The following OPCML variants were observed in gnomAD, a reference collection of about 807,000 sequenced individuals.
The protein encoded by OPCML is opioid-binding protein/cell adhesion molecule.
Under a neutral mutation model 37.8 loss-of-function variants are expected in OPCML, and 13 were observed. The observed-to-expected ratio is 0.34, with a 90% CI of 0.22 to 0.55. The LOEUF is 0.55. Among genes scored for constraint, OPCML ranks in the 20% least tolerant of loss-of-function variants. OPCML has a pLI of 0.91. For missense variants in OPCML, 341 were observed against 435.6 expected (o/e 0.78, Z 1.93); for synonymous variants, 176 against 168.8 (o/e 1.04, Z -0.33).
chr11:132,563,517 A>G (rs2096415268), intron 3 of OPCML, among the ~76,000 whole-genome samples: 1 of 151,922 alleles, frequency 6.6e-6, no homozygotes, highest in Admixed American at 6.6e-5. Context: ...ATGTTTTGCA[A>G]CTAGATAGAG....
chr11:133,365,506 C>G (rs1197055424), intron 1 of OPCML: 2 of 152,204 alleles, frequency 1.3e-5, no homozygotes, highest in Non-Finnish European at 2.9e-5. Context: ...CTGTCATGAT[C>G]TAATCACCTC....
At position 132,658,596 on chromosome 11, in the gene OPCML, G is replaced by C. The variant is rs967190659; in HGVS notation, c.147-1277C>G. On this transcript the variant is annotated intron_variant, in intron 2 of 7. Coordinates refer to ENST00000524381, the MANE Select transcript of OPCML (RefSeq NM_001012393.5). The stretch of plus-strand genomic sequence containing the variant: ...AGAATAAAAGCAATACCAGCTTCCG[G>C]TCACCCAGGCCTTTTTATGAGCTGG... Among the ~76,000 whole-genome samples the C allele has an allele frequency of 2.0e-5, 3 of 152,218 alleles. No homozygotes were observed. The East Asian group carries it at 5.8e-4, about 29-fold the overall frequency.
chr11:132,796,401 T>C (rs1420646434), intron 2 of OPCML, among the ~76,000 whole-genome samples: 2 of 151,986 alleles, frequency 1.3e-5, no homozygotes, highest in African/African-American at 2.4e-5. Flanking sequence ...CTTGAAAATA[T>C]ACCTGGACAC....
intron 4 of OPCML, among the ~76,000 whole-genome samples, chr11:132,445,995 G>T (rs2136810194): frequency 6.6e-6 from 1 of 150,946 alleles, no homozygotes; most frequent in Middle Eastern, 3.4e-3. Context: ...AGCCAGGTCA[G>T]TCTCCAGCAG....
rs188803451 is a variant in OPCML, at chr11:133,072,974, G to T, written c.62-129964C>A. Among the ~76,000 whole-genome samples the T allele has an allele frequency of 1.4e-3, 213 of 152,330 alleles. 1 individual carries two copies. The highest frequency in any genetic ancestry group is 8.1e-4 in the Non-Finnish European group (55 of 68,028). ...CTCTGGGTGACTGGTGTGAGAGAAAGGGACGGTGAAACCTGGAAGGAGGAA... is the reference window on the plus strand; with the variant it reads ...CTCTGGGTGACTGGTGTGAGAGAAATGGACGGTGAAACCTGGAAGGAGGAA... On this transcript the variant is annotated intron_variant, in intron 1 of 7. Coordinates refer to ENST00000524381, the MANE Select transcript of OPCML (RefSeq NM_001012393.5).
chr11:132,929,595 A>AAACAAC, intron 2 of OPCML, among the ~76,000 whole-genome samples: 1 of 152,236 alleles, frequency 6.6e-6, no homozygotes, highest in Admixed American at 6.5e-5. Context: ...GACATTACCA[A>AAACAAC]AACAACAACA....
intron 1 of OPCML, among the ~76,000 whole-genome samples, chr11:133,103,952 C>G (rs964676922): frequency 2.0e-5 from 3 of 152,164 alleles, no homozygotes; most frequent in Admixed American, 2.0e-4. Flanking sequence ...TGTTAATGAG[C>G]CTTTCACAGT....
chr11:133,106,682 T>A (rs1949163217), intron 1 of OPCML, among the ~76,000 whole-genome samples: 1 of 152,222 alleles, frequency 6.6e-6, no homozygotes, highest in Admixed American at 6.5e-5. Context: ...ACAAATGACA[T>A]ATCCAGGACC....
chr11:132,697,891 T>C (rs1337913504), intron 2 of OPCML, among the ~76,000 whole-genome samples: 1 of 151,996 alleles, frequency 6.6e-6, no homozygotes, highest in African/African-American at 2.4e-5. Flanking sequence ...TTAGCCTCCT[T>C]GAATAGCAGG....
In OPCML at chr11:133,177,274, A is replaced by C. The variant is rs1937618170; in HGVS notation, c.62-234264T>G. Among the ~76,000 whole-genome samples the C allele has an allele frequency of 6.6e-6, 1 of 152,236 alleles. No homozygotes were observed. Among genetic ancestry groups the C allele is most frequent in the African/African-American group, 2.4e-5 (1 of 41,466 alleles). ...AGATGCAGACCTATCAGAGATCTGA[A>C]AGAAGTGGGAAATAAAGCTGGATGA... On this transcript the variant is annotated intron_variant, in intron 1 of 7. Coordinates refer to ENST00000524381, the MANE Select transcript of OPCML (RefSeq NM_001012393.5). The surrounding 1 kb of genome is among the most constrained non-coding windows in gnomAD (Gnocchi z 5.0).
At chr11:132,732,621 C>G (rs749735246) in intron 2 of OPCML, among the ~76,000 whole-genome samples, 3 of 152,062 alleles carry the variant, frequency 2.0e-5, no homozygotes, top group Non-Finnish European at 2.9e-5. Flanking sequence ...AAAGCTGGCA[C>G]CCTACAACCC....
At chr11:133,508,657 G>A (rs60360619) in intron 1 of OPCML, among the ~76,000 whole-genome samples, 1 of 152,224 alleles carries the variant, frequency 6.6e-6, no homozygotes, top group African/African-American at 2.4e-5. Flanking sequence ...ACTTGGAGGA[G>A]TGGGAAGAAT....
chr11:132,886,600 T>C (rs78549208), intron 2 of OPCML, among the ~76,000 whole-genome samples: 4,490 of 152,298 alleles, frequency 0.029, 205 homozygotes, highest in African/African-American at 0.1. Flanking sequence ...TGCCTGGCCT[T>C]TTCTGACCCA....
intron 1 of OPCML, among the ~76,000 whole-genome samples, chr11:133,303,617 C>T (rs1474929308): frequency 6.6e-6 from 1 of 152,174 alleles, no homozygotes; most frequent in Non-Finnish European, 1.5e-5. Context: ...TCGAATGAGA[C>T]TTGCATAAAA....
chr11:132,638,811 C>G (rs905969096), intron 3 of OPCML, among the ~76,000 whole-genome samples: 1 of 152,158 alleles, frequency 6.6e-6, no homozygotes, highest in Non-Finnish European at 1.5e-5. Context: ...TCCTGCCCAC[C>G]AAACTATCCT....
intron 1 of OPCML, among the ~76,000 whole-genome samples, chr11:132,970,445 C>T (rs1027240327): frequency 6.6e-6 from 1 of 152,116 alleles, no homozygotes; most frequent in Non-Finnish European, 1.5e-5. Context: ...CCTATTATAA[C>T]AGTTTTTGAG....
At chr11:133,468,090 A>C (rs1032140888) in intron 1 of OPCML, among the ~76,000 whole-genome samples, 7 of 152,216 alleles carry the variant, frequency 4.6e-5, no homozygotes, top group Non-Finnish European at 8.8e-5. Context: ...GGCTGGCTGC[A>C]AATTTTAGTG....
In OPCML at chr11:133,236,000, C is replaced by T. The variant is rs148638817; in HGVS notation, c.62-292990G>A. On this transcript the variant is annotated intron_variant, in intron 1 of 7. Coordinates refer to ENST00000524381, the MANE Select transcript of OPCML (RefSeq NM_001012393.5). ...CTTAAAACTGAGAATGGTAGTAAAA[C>T]GTTATATATACTATGTTTTCTCCTA... 2.1e-3 allele frequency among the ~76,000 whole-genome samples: 319 copies of T among 152,224 alleles called. 2 individuals are homozygous for T. The highest frequency in any genetic ancestry group is 1.9e-3 in the Non-Finnish European group (129 of 68,012).
chr11:133,319,849 G>T (rs1341440554), intron 1 of OPCML, among the ~76,000 whole-genome samples: 6 of 152,188 alleles, frequency 3.9e-5, no homozygotes, highest in Non-Finnish European at 8.8e-5. Flanking sequence ...TGACCCTGTG[G>T]CTCCTGGCTA....
Sources: allele counts gnomAD v4.1 joint callset (sites outside exome capture counted in the v4.1 genomes callset), GRCh38; gene constraint gnomAD v4.1.1; non-coding constraint Gnocchi (gnomAD v3.1); transcripts MANE v1.5; gene names NCBI Gene and HGNC (gene_info 2026-07-23, HGNC 2026-07-21).